ESR1: variants seen among roughly 807,000 people sequenced by gnomAD.
ESR1 encodes estrogen receptor 1, also known as estrogen receptor.
In ESR1, 12 loss-of-function variants were observed where a neutral mutation model predicts 52.7. That is an observed-to-expected ratio of 0.23 (90% confidence interval 0.15 to 0.37). The LOEUF (loss-of-function observed/expected upper bound fraction) is 0.37. Among genes scored for constraint, ESR1 ranks in the 10% least tolerant of loss-of-function variants. The pLI, the probability that ESR1 is intolerant of heterozygous loss-of-function variation, is 1.00. For synonymous variants in ESR1, 305 were observed against 316.8 expected (o/e 0.96, Z 0.39); for missense variants, 584 against 779.7 (o/e 0.75, Z 2.99).
At chr6:152,002,853 G>A (rs1324243658) in intron 4 of ESR1, among the ~76,000 whole-genome samples, 1 of 151,988 alleles carries the variant, frequency 6.6e-6, no homozygotes, top group Non-Finnish European at 1.5e-5. Context: ...TCAGAGTAAG[G>A]ATCTGTTCTG....
At chr6:152,032,641 A>G (rs970102012) in intron 5 of ESR1, among the ~76,000 whole-genome samples, 4 of 152,142 alleles carry the variant, frequency 2.6e-5, no homozygotes, top group Non-Finnish European at 4.4e-5. Context: ...AAATAAAAGA[A>G]GATACAAACA....
rs140492628 is a variant in ESR1, at chr6:151,941,124, G to A, written c.761-3049G>A. Among the ~76,000 whole-genome samples the A allele has an allele frequency of 3.6e-3, 546 of 152,208 alleles. 4 individuals are homozygous for A. The highest frequency in any genetic ancestry group is 0.013 in the African/African-American group (520 of 41,540). ...ATTATTTTTAAAGTACTTTATTTTG[G>A]AAAGGTAAAATGCTTGTGTAGTTAT... On this transcript the variant is annotated intron_variant, in intron 3 of 7. Transcript: ENST00000206249.
chr6:151,835,871 G>A (rs2128222523), intron 1 of ESR1, among the ~76,000 whole-genome samples: 1 of 152,142 alleles, frequency 6.6e-6, no homozygotes. Flanking sequence ...AGATTTTTAT[G>A]TGTATTTTCT....
Position 152,101,119 on chromosome 6 carries a change from T to C in ESR1, c.*2153T>C, listed in dbSNP as rs1243521535. 1 of 231,508 alleles carries C rather than the reference T, an allele frequency of 4.3e-6. No homozygotes were observed. The highest frequency in any genetic ancestry group is 5.7e-5 in the Admixed American group (1 of 17,686). 14.3% of individuals were successfully genotyped at this position (231,508 alleles called of 1,614,324 possible). ...GCCTAAAGCCTGGTGATTATTCATTTAAATGAAGATCACATTTCATATCAA... is the reference window on the plus strand; with the variant it reads ...GCCTAAAGCCTGGTGATTATTCATTCAAATGAAGATCACATTTCATATCAA... On this transcript the variant is annotated 3_prime_UTR_variant, in exon 8 of 8. Transcript: ENST00000206249.
intron 5 of ESR1, among the ~76,000 whole-genome samples, chr6:152,035,615 TG>T (rs1196688160): frequency 6.6e-6 from 1 of 152,134 alleles, no homozygotes; most frequent in African/African-American, 2.4e-5. Flanking sequence ...TCTTGGAAGA[TG>T]AAAATTAAAG....
chr6:151,793,946 A>G (rs1389707865), intron 2 of ESR1, among the ~76,000 whole-genome samples: 2 of 152,264 alleles, frequency 1.3e-5, no homozygotes, highest in African/African-American at 2.4e-5. Context: ...ATATAAAAAC[A>G]TATTTTAAAA....
At chr6:152,025,843 G>T (rs1008075188) in intron 5 of ESR1, among the ~76,000 whole-genome samples, 1 of 151,816 alleles carries the variant, frequency 6.6e-6, no homozygotes, top group Non-Finnish European at 1.5e-5. Context: ...CATGATATAG[G>T]TAACTGATGC....
chr6:152,027,601 T>A (rs943639929), intron 5 of ESR1, among the ~76,000 whole-genome samples: 1 of 152,226 alleles, frequency 6.6e-6, no homozygotes, highest in Non-Finnish European at 1.5e-5. Flanking sequence ...AGTGATTGCT[T>A]CATTATTTTG....
intron 5 of ESR1, among the ~76,000 whole-genome samples, chr6:152,021,137 G>T (rs1000248213): frequency 2.0e-5 from 3 of 152,090 alleles, no homozygotes; most frequent in African/African-American, 7.2e-5. Flanking sequence ...GAGTCAGTGG[G>T]CTGTGGAAGG....
At chr6:151,657,505 T>G (rs568199220) in intron 1 of ESR1, among the ~76,000 whole-genome samples, 13 of 152,350 alleles carry the variant, frequency 8.5e-5, no homozygotes, top group Non-Finnish European at 1.5e-4. Context: ...TGTTGGATAA[T>G]GTTGCTGTAC....
chr6:151,774,264 AT>A (rs1785765438), intron 2 of ESR1, among the ~76,000 whole-genome samples: 1 of 152,250 alleles, frequency 6.6e-6, no homozygotes, highest in Non-Finnish European at 1.5e-5. Context: ...CTTTGGTCAC[AT>A]TGAAAGGTTC....
chr6:151,877,793 A>C (rs1045657622), intron 2 of ESR1, among the ~76,000 whole-genome samples: 4 of 152,008 alleles, frequency 2.6e-5, no homozygotes. Flanking sequence ...CTTAATGTAT[A>C]CTAATTAATT....
intron 6 of ESR1, among the ~76,000 whole-genome samples, chr6:152,086,701 C>T (rs2049751894): frequency 6.6e-6 from 1 of 151,606 alleles, no homozygotes; most frequent in African/African-American, 2.4e-5. Flanking sequence ...GTCATCTGTG[C>T]CAGCTGGGAA....
rs2152506928 is a variant in ESR1 at position 152,098,861 on chromosome 6, G to A, written c.1683G>A (p.Glu561=). 6.2e-7 allele frequency: 1 copy of A among 1,614,214 alleles called. No individual in the cohort carries two copies. The highest frequency in any genetic ancestry group is 8.5e-7 in the Non-Finnish European group (1 of 1,180,044). The change falls in exon 8 of 8, where the codon GAG becomes GAA. Residue 561 remains glutamate (E), a synonymous_variant. Coordinates refer to ENST00000206249, the MANE Select transcript of ESR1 (RefSeq NM_000125.4). This position sits in a 1 kb window ranked among gnomAD's most constrained non-coding sequence, Gnocchi z 5.1. ...APTSRGGASV[E]ETDQSHLATA... Reference sequence around the variant, plus strand: ...CTAGCCGTGGAGGGGCATCCGTGGAGGAGACGGACCAAAGCCACTTGGCCA... The same window carrying A: ...CTAGCCGTGGAGGGGCATCCGTGGAAGAGACGGACCAAAGCCACTTGGCCA...
At chr6:151,914,202 C>G (rs763437993) in intron 3 of ESR1, among the ~76,000 whole-genome samples, 22 of 151,704 alleles carry the variant, frequency 1.5e-4, no homozygotes, top group Non-Finnish European at 2.9e-4. Flanking sequence ...ATTCAGGGCT[C>G]ACAATTTCTT....
At chr6:151,874,721 T>TTTCTTCAG (rs1180707024) in intron 2 of ESR1, among the ~76,000 whole-genome samples, 1 of 152,198 alleles carries the variant, frequency 6.6e-6, no homozygotes, top group East Asian at 1.9e-4. Context: ...AGATATGCCT[T>TTTCTTCAG]TTCTTCAGCC....
intron 2 of ESR1, among the ~76,000 whole-genome samples, chr6:151,859,768 G>A (rs1341690875): frequency 5.3e-5 from 8 of 152,184 alleles, no homozygotes; most frequent in Non-Finnish European, 1.0e-4. Context: ...TTCTCAGGAG[G>A]CAGTAACATG....
rs1287100016 is a variant in ESR1 at position 152,033,737 on chromosome 6, G to A, written c.1235+21943G>A. 3.3e-5 allele frequency among the ~76,000 whole-genome samples: 5 copies of A among 152,164 alleles called. No individual in the cohort carries two copies. The South Asian group carries it at 6.2e-4, about 19-fold the overall frequency. Reference sequence around the variant, plus strand: ...CAACCATTGTGGAATTCAGTGTGGCGATTCCTCAGGGATCTAGAACTAGAA... The same window carrying A: ...CAACCATTGTGGAATTCAGTGTGGCAATTCCTCAGGGATCTAGAACTAGAA... On this transcript the variant is annotated intron_variant, in intron 5 of 7. Coordinates refer to ENST00000206249, the MANE Select transcript of ESR1 (RefSeq NM_000125.4).
In ESR1 at chr6:151,760,382, A is replaced by G. The variant is rs538105129; in HGVS notation, c.-70-47461A>G. Among the ~76,000 whole-genome samples the G allele has an allele frequency of 6.3e-4, 96 of 152,374 alleles. No homozygotes were observed. The Middle Eastern group carries it at 0.014, about 22-fold the overall frequency. On this transcript the variant is annotated intron_variant, in intron 2 of 2. Transcript: ENST00000404742. Reference sequence around the variant, plus strand: ...AGGGTCTATATTGCAACAAACAAGCATCTAGAAATAGAATATTAAATATCC... The same window carrying G: ...AGGGTCTATATTGCAACAAACAAGCGTCTAGAAATAGAATATTAAATATCC...
Sources: allele counts gnomAD v4.1 joint callset (sites outside exome capture counted in the v4.1 genomes callset), GRCh38; gene constraint gnomAD v4.1.1; non-coding constraint Gnocchi (gnomAD v3.1); transcripts MANE v1.5; gene names NCBI Gene and HGNC (gene_info 2026-07-23, HGNC 2026-07-21).